The following RFX6 variants were observed in gnomAD, a reference collection of about 807,000 sequenced individuals.
RFX6 encodes DNA-binding protein RFX6.
In RFX6, 50 loss-of-function variants were observed where a neutral mutation model predicts 110.8. That is an observed-to-expected ratio of 0.45 (90% CI 0.36 to 0.57). RFX6 has a LOEUF of 0.57. Ranked by LOEUF, RFX6 falls within the 20% of genes least tolerant of loss-of-function variation. The pLI, the probability that RFX6 is intolerant of heterozygous loss-of-function variation, is 0.00. For missense variants in RFX6, 990 were observed against 1,127.0 expected (o/e 0.88, Z 1.74); for synonymous variants, 383 against 411.2 (o/e 0.93, Z 0.83).
At chr6:116,918,408 G>T (rs917626563) in intron 10 of RFX6, among the ~76,000 whole-genome samples, 1 of 151,768 alleles carries the variant, frequency 6.6e-6, no homozygotes, top group African/African-American at 2.4e-5. Context: ...ATAACCACAA[G>T]AATAAAAACT....
rs1380224578 is a variant in RFX6, at chr6:116,931,470, C to T, written c.2751C>T (p.Asn917=). 5.0e-6 allele frequency: 8 copies of T among 1,613,594 alleles called. No individual in the cohort carries two copies. The highest frequency in any genetic ancestry group is 2.2e-5 in the East Asian group (1 of 44,868). The change falls in exon 19 of 19, where the codon AAC becomes AAT. Residue 917 remains asparagine, a synonymous_variant. Coordinates refer to ENST00000332958, the MANE Select transcript of RFX6 (RefSeq NM_173560.4). The part of the protein sequence containing the change: ...REMVSSLPPI[N]TVFMGTAAGG... ...TGGTGTCCTCTTTACCACCTATCAA[C>T]ACTGTGTTCATGGGAACAGCAGCTG... is the stretch of plus-strand genomic sequence containing the variant.
chr6:116,928,641 A>G (rs1378473071), intron 17 of RFX6, 118 bp from the exon 18 acceptor site: 3 of 742,066 alleles, frequency 4.0e-6, no homozygotes, highest in South Asian at 2.9e-5. Context: ...ATAGATACAC[A>G]TGTAATACTT....
intron 6 of RFX6, among the ~76,000 whole-genome samples, chr6:116,905,946 T>C (rs1775192957): frequency 6.9e-5 from 5 of 72,534 alleles, no homozygotes; most frequent in African/African-American, 1.6e-4. Context: ...CTTCTAAACA[T>C]GTTTCCTGTT....
intron 18 of RFX6, among the ~76,000 whole-genome samples, chr6:116,929,438 C>T (rs1476984624): frequency 4.6e-5 from 7 of 152,098 alleles, no homozygotes; most frequent in Admixed American, 1.3e-4. Context: ...ATGGGTGCTA[C>T]TAGCATTTTC....
chr6:116,931,548 C>T lies in RFX6; in HGVS notation c.*42C>T. Reference sequence around the variant, plus strand: ...GGGGTGCTAAAACTTTAAAAAAAATCTCTACTGTGCAAATATCATTATTCA... The same window carrying T: ...GGGGTGCTAAAACTTTAAAAAAAATTTCTACTGTGCAAATATCATTATTCA... On this transcript the variant is annotated 3_prime_UTR_variant, in exon 19 of 19. Coordinates refer to ENST00000332958, the MANE Select transcript of RFX6 (RefSeq NM_173560.4). The T allele has an allele frequency of 1.5e-6, 2 of 1,370,186 alleles. No individual in the cohort carries two copies. The highest frequency in any genetic ancestry group is 2.1e-6 in the Non-Finnish European group (2 of 970,216). The allele number at this position is 1,370,186 out of a possible 1,614,324, so 84.9% of individuals were successfully genotyped here.
At chr6:116,915,237 A>C (rs1775437508) in intron 7 of RFX6, among the ~76,000 whole-genome samples, 1 of 152,202 alleles carries the variant, frequency 6.6e-6, no homozygotes, top group Non-Finnish European at 1.5e-5. Context: ...TGGTAACTTG[A>C]AAAGAGAGAC....
intron 15 of RFX6, among the ~76,000 whole-genome samples, chr6:116,925,170 C>A (rs906104363): frequency 2.6e-5 from 4 of 152,158 alleles, no homozygotes; most frequent in African/African-American, 9.7e-5. Context: ...GGAAACACAT[C>A]TATTCAGGAT....
At chr6:116,928,019 C>T (rs1274370966) in intron 17 of RFX6, among the ~76,000 whole-genome samples, 1 of 151,342 alleles carries the variant, frequency 6.6e-6, no homozygotes, top group African/African-American at 2.4e-5. Context: ...GCTGAGGTGC[C>T]TCCCAAAGGT....
At position 116,928,919 on chromosome 6, in the gene RFX6, C is replaced by T; in HGVS notation, c.2559C>T (p.Ser853=). ...ATGACAGTGGTAGAAAACAGACCAG[C>T]TCGTTTTACACAGACACATCATCTC... is the stretch of plus-strand genomic sequence containing the variant. ...ILDDSGRKQT[S]SFYTDTSSPV... is the part of the protein sequence containing the mutation. The change falls in exon 18 of 19, where the codon AGC becomes AGT. Residue 853 remains serine (S), a synonymous_variant. Transcript: ENST00000332958. 2 of 1,613,714 alleles carry T rather than the reference C, an allele frequency of 1.2e-6. No individual in the cohort carries two copies. Among genetic ancestry groups the T allele is most frequent in the Non-Finnish European group, 1.7e-6 (2 of 1,179,612 alleles).
At chr6:116,895,053 C>A (rs945090719) in intron 5 of RFX6, 127 bp from the exon 6 acceptor site, 4 of 548,408 alleles carry the variant, frequency 7.3e-6, no homozygotes, top group African/African-American at 1.9e-5. Context: ...TTAAAAAAAG[C>A]AAATTTCTCC....
At chr6:116,925,044 A>G (rs894476072) in intron 15 of RFX6, among the ~76,000 whole-genome samples, 8 of 152,214 alleles carry the variant, frequency 5.3e-5, no homozygotes, top group African/African-American at 1.9e-4. Context: ...CTGGGAATTA[A>G]GGTGAAGTTG....
intron 6 of RFX6, among the ~76,000 whole-genome samples, chr6:116,901,476 T>C (rs1775073245): frequency 2.0e-5 from 3 of 152,186 alleles, no homozygotes; most frequent in African/African-American, 7.2e-5. Flanking sequence ...CTAGAATATG[T>C]ATAGAATTCA....
intron 6 of RFX6, among the ~76,000 whole-genome samples, chr6:116,896,517 A>G (rs558252937): frequency 8.5e-5 from 13 of 152,310 alleles, no homozygotes; most frequent in Admixed American, 8.5e-4. Flanking sequence ...TGAAATTTTT[A>G]AAAATTATTT....
intron 6 of RFX6, among the ~76,000 whole-genome samples, chr6:116,902,771 T>C (rs1310151326): frequency 1.3e-5 from 2 of 152,090 alleles, no homozygotes; most frequent in East Asian, 3.8e-4. Context: ...TGAACAACTT[T>C]GTACCAAGAT....
intron 14 of RFX6, 70 bp downstream of exon 14, chr6:116,923,294 T>C: frequency 1.2e-6 from 1 of 818,388 alleles, no homozygotes. Context: ...ACAGTTCCTG[T>C]CAATTTTTAA....
At chr6:116,927,760 T>TTTG in intron 17 of RFX6, among the ~76,000 whole-genome samples, 1 of 150,330 alleles carries the variant, frequency 6.7e-6, no homozygotes, top group African/African-American at 2.5e-5. Flanking sequence ...TTTTTTTTTT[T>TTTG]TTGAGACAAG....
In RFX6 at chr6:116,913,567, G is replaced by A. The variant is rs73765885; in HGVS notation, c.781-2441G>A. The stretch of plus-strand genomic sequence containing the variant: ...GTACAATGTCTATTCTCAGAAAATT[G>A]ACTAAGATTATGTTTATAAAGAATG... On this transcript the variant is annotated intron_variant, in intron 7 of 18. Transcript: ENST00000332958. Among the ~76,000 whole-genome samples, 342 of 152,226 alleles carry A rather than the reference G, an allele frequency of 2.2e-3. 1 individual carries two copies. Among genetic ancestry groups the A allele is most frequent in the African/African-American group, 8.1e-3 (336 of 41,522 alleles).
chr6:116,907,332 G>A (rs974179255), intron 6 of RFX6, among the ~76,000 whole-genome samples: 1 of 152,070 alleles, frequency 6.6e-6, no homozygotes, highest in Non-Finnish European at 1.5e-5. Flanking sequence ...GCCTTGCAAT[G>A]TCTTTGTCAG....
At chr6:116,927,743 CTT>C (rs60638457) in intron 17 of RFX6, among the ~76,000 whole-genome samples, 18 of 119,494 alleles carry the variant, frequency 1.5e-4, no homozygotes, top group Non-Finnish European at 2.0e-4. Flanking sequence ...GCCCTTCTTC[CTT>C]TTTTTTTTTT....
Sources: gnomAD v4.1 joint callset for allele counts (sites outside exome capture counted in the v4.1 genomes callset) on GRCh38, gnomAD v4.1.1 for gene constraint, MANE v1.5 for transcripts, NCBI Gene and HGNC (gene_info 2026-07-23, HGNC 2026-07-21) for gene names.